Variants in C12orf76 observed in about 807,000 individuals in gnomAD.
The protein encoded by C12orf76 is uncharacterized protein C12orf76.
Under a neutral mutation model 6.8 loss-of-function variants are expected in C12orf76, and 6 were observed. The ratio of observed to expected loss-of-function variants is 0.88; its 90% CI spans 0.48 to 1.73. The LOEUF (loss-of-function observed/expected upper bound fraction) is 1.73, where lower values mean the gene tolerates loss of function less well. Among genes scored for constraint, C12orf76 ranks in the 40% most tolerant of loss-of-function variants. The pLI is 0.01. For synonymous variants in C12orf76, 56 were observed against 43.7 expected (o/e 1.28, Z -1.11); for missense variants, 99 against 98.2 (o/e 1.01, Z -0.03).
upstream of C12orf76, among the ~76,000 whole-genome samples, chr12:110,068,333 C>A (rs1968182): frequency 0.039 from 4,139 of 106,598 alleles, 207 homozygotes; most frequent in African/African-American, 0.059. Flanking sequence ...AAGAAGAAGG[C>A]GGCCAAATAG....
chr12:110,052,220 GTC>G (rs1312615863), upstream of C12orf76, among the ~76,000 whole-genome samples: 7 of 150,800 alleles, frequency 4.6e-5, no homozygotes, highest in African/African-American at 1.7e-4. Flanking sequence ...TTGAGACGGA[GTC>G]TCGCTCTGTT....
At chr12:110,068,280 GA>G (rs1316567715), upstream of C12orf76, among the ~76,000 whole-genome samples, 1 of 140,124 alleles carries the variant, frequency 7.1e-6, no homozygotes, top group Non-Finnish European at 1.6e-5. Context: ...AGAAGAAGAA[GA>G]AGAAGAAGAA....
chr12:110,060,587 C>T (rs1371197293), intron 2 of C12orf76, among the ~76,000 whole-genome samples: 5 of 152,176 alleles, frequency 3.3e-5, no homozygotes, highest in Non-Finnish European at 5.9e-5. Context: ...TTCTCAGAAT[C>T]CTTTGGGGAC....
chr12:110,060,712 A>G (rs1256281315), intron 2 of C12orf76, among the ~76,000 whole-genome samples: 10 of 152,054 alleles, frequency 6.6e-5, no homozygotes, highest in Admixed American at 3.3e-4. Flanking sequence ...CCATGGTTCT[A>G]GTTCCCATCT....
At position 110,048,347 on chromosome 12, in the gene C12orf76, C is replaced by T. The variant is rs964282852; in HGVS notation, c.133+16G>A. ...TCAGGCACTACCCGCCGCCCGCCAG[C>T]CCGAGGGCCGCTCACCCAGGTTCTG... is the stretch of plus-strand genomic sequence containing the variant. On this transcript the variant is annotated intron_variant, in intron 1 of 1. Coordinates refer to ENST00000615315, the MANE Select transcript of C12orf76 (RefSeq NM_001389625.1). The T allele has an allele frequency of 6.7e-6, 10 of 1,493,148 alleles. No individual in the cohort carries two copies. Among genetic ancestry groups the T allele is most frequent in the Admixed American group, 6.6e-5 (3 of 45,466 alleles). The allele number at this position is 1,493,148 out of a possible 1,614,324, so 92.5% of individuals were successfully genotyped here.
chr12:110,060,696 C>T (rs1261087702), intron 2 of C12orf76, among the ~76,000 whole-genome samples: 4 of 152,172 alleles, frequency 2.6e-5, no homozygotes, highest in Non-Finnish European at 5.9e-5. Context: ...TGAATTGCAG[C>T]TTCTTCCATG....
At chr12:110,070,770 G>A (rs572007610), upstream of C12orf76, among the ~76,000 whole-genome samples, 2 of 152,000 alleles carry the variant, frequency 1.3e-5, no homozygotes, top group Admixed American at 6.6e-5. Context: ...AGCATGTTTT[G>A]TTTTGTTTTT....
chr12:110,051,989 T>G (rs138788713), upstream of C12orf76, among the ~76,000 whole-genome samples: 3,178 of 145,518 alleles, frequency 0.022, 116 homozygotes, highest in African/African-American at 0.076. Context: ...GCCTCCTAGG[T>G]TCATGCCATT....
intron 2 of C12orf76, among the ~76,000 whole-genome samples, chr12:110,065,487 T>C (rs1378191395): frequency 1.3e-5 from 2 of 152,048 alleles, no homozygotes; most frequent in Non-Finnish European, 2.9e-5. Context: ...TCTCCTCAAG[T>C]TGGTAAAAGG....
chr12:110,042,566 C>G (rs1253367175), intron 1 of C12orf76, 107 bp from the exon 2 acceptor site: 2 of 752,716 alleles, frequency 2.7e-6, no homozygotes, highest in Non-Finnish European at 4.8e-6. Context: ...GGCACTATGT[C>G]AAGTGCTGTG....
At position 110,048,373 on chromosome 12, in the gene C12orf76, C is replaced by T; in HGVS notation, c.123G>A (p.Gly41=). The change falls in exon 1 of 2, where the codon GGG becomes GGA. Residue 41 remains glycine, a synonymous_variant. Coordinates refer to ENST00000615315, the MANE Select transcript of C12orf76 (RefSeq NM_001389625.1). ...ERSRPYAVLR[G]QNLVLMGTIF... is the part of the protein sequence containing the mutation. The stretch of plus-strand genomic sequence containing the variant: ...CCGAGGGCCGCTCACCCAGGTTCTG[C>T]CCTCGCAGCACCGCGTACGGCCGGC... The T allele has an allele frequency of 6.6e-7, 1 of 1,513,306 alleles. No homozygotes were observed. The highest frequency in any genetic ancestry group is 1.2e-5 in the South Asian group (1 of 82,558). The allele number at this position is 1,513,306 out of a possible 1,614,324, so 93.7% of individuals were successfully genotyped here.
At chr12:110,055,356 G>A (rs1000411563) in intron 4 of C12orf76, among the ~76,000 whole-genome samples, 9 of 151,848 alleles carry the variant, frequency 5.9e-5, no homozygotes, top group South Asian at 2.1e-4. Flanking sequence ...ACAGGCATGC[G>A]CCGCCACACC....
At chr12:110,060,774 G>A (rs959779195) in intron 2 of C12orf76, among the ~76,000 whole-genome samples, 5 of 152,066 alleles carry the variant, frequency 3.3e-5, no homozygotes, top group African/African-American at 9.7e-5. Context: ...AGTGGTTCAT[G>A]CCTGAAATCC....
intron 1 of C12orf76, chr12:110,066,071 C>T: frequency 6.8e-7 from 1 of 1,481,276 alleles, no homozygotes; most frequent in South Asian, 1.4e-5. Flanking sequence ...TGGCAGACCT[C>T]ATGTTTCTAT....
chr12:110,068,308 AAGAAGAAGAAGAAGAAGAAGAAGG>A (rs1245165130), upstream of C12orf76, among the ~76,000 whole-genome samples: 3 of 146,068 alleles, frequency 2.1e-5, no homozygotes, highest in African/African-American at 7.5e-5. Context: ...GAAGAAGAAG[AAGAAGAAGAAGAAGAAGAAGAAGG>A]CGGCCAAATA....
chr12:110,058,960 A>G, intron 3 of C12orf76: 1 of 1,485,856 alleles, frequency 6.7e-7, no homozygotes, highest in Non-Finnish European at 9.0e-7. Context: ...AACAAAAACC[A>G]ACTCTATAAG....
upstream of C12orf76, among the ~76,000 whole-genome samples, chr12:110,068,330 A>AGAAGAAGAAGAAGAC: frequency 8.6e-6 from 1 of 116,770 alleles, no homozygotes; most frequent in East Asian, 2.0e-4. Flanking sequence ...AAGAAGAAGA[A>AGAAGAAGAAGAAGAC]GGCGGCCAAA....
At chr12:110,059,909 G>A (rs1892740808) in intron 2 of C12orf76, among the ~76,000 whole-genome samples, 1 of 152,206 alleles carries the variant, frequency 6.6e-6, no homozygotes, top group Non-Finnish European at 1.5e-5. Flanking sequence ...TTCTCAGGAA[G>A]AAAAGTGACA....
chr12:110,044,854 T>C (rs1892406396), intron 1 of C12orf76, among the ~76,000 whole-genome samples: 1 of 151,920 alleles, frequency 6.6e-6, no homozygotes, highest in African/African-American at 2.4e-5. Context: ...ATGCCTGTAA[T>C]CCCAGCTACT....
Sources: allele counts gnomAD v4.1 joint callset (sites outside exome capture counted in the v4.1 genomes callset), GRCh38; gene constraint gnomAD v4.1.1; transcripts MANE v1.5; gene names NCBI Gene and HGNC (gene_info 2026-07-23, HGNC 2026-07-21).